GARIN1B: variants seen among roughly 807,000 people sequenced by gnomAD.
The protein encoded by GARIN1B is golgi associated RAB2 interactor 1B, also known as Golgi-associated RAB2 interactor protein 1B.
the GARIN1B span, among the ~76,000 whole-genome samples, chr7:128,722,127 A>T: frequency 1.3e-5 from 2 of 152,188 alleles, no homozygotes; most frequent in African/African-American, 4.8e-5. Flanking sequence ...CTCATTGAAG[A>T]AGTTGGAAAG....
chr7:128,715,573 A>T, the GARIN1B span: 1 of 1,614,108 alleles, frequency 6.2e-7, no homozygotes, highest in Non-Finnish European at 8.5e-7. Flanking sequence ...CTGTGGATGG[A>T]GAGCCGAACC....
the GARIN1B span, among the ~76,000 whole-genome samples, chr7:128,711,282 T>A: frequency 4.6e-5 from 7 of 152,186 alleles, no homozygotes; most frequent in East Asian, 9.7e-4. Context: ...TAGATAGAGC[T>A]TCTATTTCAC....
At chr7:128,726,705 T>C in the GARIN1B span, 16 of 1,063,940 alleles carry the variant, frequency 1.5e-5, no homozygotes, top group Non-Finnish European at 4.1e-6. Flanking sequence ...CTGGCCTTTT[T>C]CATATTTATA....
At chr7:128,711,527 T>C in the GARIN1B span, among the ~76,000 whole-genome samples, 1 of 152,232 alleles carries the variant, frequency 6.6e-6, no homozygotes, top group African/African-American at 2.4e-5. Flanking sequence ...GGAGAAAGTA[T>C]AATATGGCCT....
the GARIN1B span, among the ~76,000 whole-genome samples, chr7:128,728,334 C>T: frequency 6.6e-6 from 1 of 151,834 alleles, no homozygotes; most frequent in Non-Finnish European, 1.5e-5. Context: ...CCCAGCTACT[C>T]GGGAGGCTGA....
chr7:128,725,101 T>C, the GARIN1B span: 1 of 194,526 alleles, frequency 5.1e-6, no homozygotes, highest in African/African-American at 2.3e-5. Flanking sequence ...AGTATTAACT[T>C]GTATTGTTAA....
At chr7:128,719,331 C>G in the GARIN1B span, among the ~76,000 whole-genome samples, 67 of 151,590 alleles carry the variant, frequency 4.4e-4, 1 homozygote, top group African/African-American at 1.6e-3. Context: ...TAAAATCCAC[C>G]ATTGTGGATT....
the GARIN1B span, among the ~76,000 whole-genome samples, chr7:128,723,808 A>G: frequency 6.6e-6 from 1 of 151,894 alleles, no homozygotes; most frequent in Admixed American, 6.6e-5. Context: ...CACCGCGCCC[A>G]GTCACTGTTC....
the GARIN1B span, among the ~76,000 whole-genome samples, chr7:128,715,974 T>C: frequency 2.0e-5 from 3 of 152,218 alleles, no homozygotes; most frequent in Non-Finnish European, 4.4e-5. Flanking sequence ...GCCCCCAGGC[T>C]GTCACCTGAA....
the GARIN1B span, chr7:128,715,683 TCATC>T: frequency 6.2e-7 from 1 of 1,613,832 alleles, no homozygotes; most frequent in Non-Finnish European, 8.5e-7. Flanking sequence ...GAAAGCAACT[TCATC>T]CAGGTATTCT....
At chr7:128,716,689 T>A in the GARIN1B span, 1 of 771,748 alleles carries the variant, frequency 1.3e-6, no homozygotes, top group Non-Finnish European at 2.1e-6. Context: ...CAGGGCAGTA[T>A]CCTACCCTCA....
At chr7:128,714,413 C>T in the GARIN1B span, among the ~76,000 whole-genome samples, 6 of 152,072 alleles carry the variant, frequency 3.9e-5, no homozygotes, top group South Asian at 1.2e-3. Context: ...CCTGTCTCTA[C>T]TAAAAATACA....
At chr7:128,714,635 A>G in the GARIN1B span, among the ~76,000 whole-genome samples, 4 of 152,008 alleles carry the variant, frequency 2.6e-5, no homozygotes, top group Admixed American at 2.6e-4. Flanking sequence ...TCTCCCAGGA[A>G]TGGCCTTGAA....
the GARIN1B span, among the ~76,000 whole-genome samples, chr7:128,728,691 G>A: frequency 2.4e-4 from 36 of 152,168 alleles, no homozygotes; most frequent in African/African-American, 8.5e-4. Context: ...AAAAGATCTG[G>A]ACATATGTGG....
chr7:128,724,738 G>A, the GARIN1B span: 1 of 1,289,336 alleles, frequency 7.8e-7, no homozygotes, highest in South Asian at 1.2e-5. Flanking sequence ...AGAAAAATGA[G>A]GTGTCAGAGA....
chr7:128,712,115 A>G, the GARIN1B span, among the ~76,000 whole-genome samples: 4 of 152,234 alleles, frequency 2.6e-5, no homozygotes, highest in African/African-American at 9.6e-5. Flanking sequence ...CTGCTTATGC[A>G]ATAATAAAGT....
the GARIN1B span, chr7:128,726,721 CTCT>C: frequency 8.6e-7 from 1 of 1,163,616 alleles, no homozygotes; most frequent in Non-Finnish European, 1.2e-6. Flanking sequence ...TTATATCTGT[CTCT>C]AAAGCTTTGC....
the GARIN1B span, chr7:128,730,133 G>A: frequency 2.1e-5 from 33 of 1,549,508 alleles, no homozygotes; most frequent in East Asian, 9.1e-5. Flanking sequence ...CTCAGGGCTG[G>A]GTCAGATCCT....
the GARIN1B span, among the ~76,000 whole-genome samples, chr7:128,719,996 G>A: frequency 9.3e-4 from 141 of 151,836 alleles, no homozygotes; most frequent in Admixed American, 2.4e-3. Context: ...CACTGTGCCC[G>A]GCATTGACCA....
Sources: allele counts gnomAD v4.1 joint callset (sites outside exome capture counted in the v4.1 genomes callset), GRCh38; gene constraint gnomAD v4.1.1; transcripts MANE v1.5; gene names NCBI Gene and HGNC (gene_info 2026-07-23, HGNC 2026-07-21).